C12orf42: variants seen among roughly 807,000 people sequenced by gnomAD.
C12orf42 encodes the protein uncharacterized protein C12orf42.
Under a neutral mutation model 21.6 loss-of-function variants are expected in C12orf42, and 25 were observed. That is an observed-to-expected ratio of 1.16 (90% CI 0.84 to 1.62). The LOEUF (loss-of-function observed/expected upper bound fraction) is 1.62. C12orf42 is among the 40% of genes most tolerant of loss of function. The pLI, the probability that C12orf42 is intolerant of heterozygous loss-of-function variation, is 0.00. For missense variants in C12orf42, 483 were observed against 459.3 expected (o/e 1.05, Z -0.47); for synonymous variants, 174 against 175.0 (o/e 0.99, Z 0.05).
the C12orf42 span, among the ~76,000 whole-genome samples, chr12:103,110,352 A>G: frequency 6.6e-6 from 1 of 152,240 alleles, no homozygotes; most frequent in African/African-American, 2.4e-5. Context: ...AAGCAAGATT[A>G]CATATTGCTA....
chr12:103,305,148 G>A (rs1432067315), intron 5 of C12orf42, among the ~76,000 whole-genome samples: 1 of 152,160 alleles, frequency 6.6e-6, no homozygotes, highest in Non-Finnish European at 1.5e-5. Flanking sequence ...ACGAATTTGT[G>A]TTGGGCCACA....
chr12:103,333,455 G>A (rs559627080), intron 4 of C12orf42, among the ~76,000 whole-genome samples: 1 of 152,128 alleles, frequency 6.6e-6, no homozygotes, highest in African/African-American at 2.4e-5. Context: ...GAACTACAAA[G>A]CTCACTCTTT....
At chr12:103,097,719 A>G in the C12orf42 span, among the ~76,000 whole-genome samples, 1 of 152,214 alleles carries the variant, frequency 6.6e-6, no homozygotes, top group Non-Finnish European at 1.5e-5. Flanking sequence ...AAGGAGATAG[A>G]TAGAGGAAAG....
intron 4 of C12orf42, among the ~76,000 whole-genome samples, chr12:103,329,616 TA>T (rs568084194): frequency 0.014 from 2,000 of 139,860 alleles, 13 homozygotes; most frequent in South Asian, 0.015. Context: ...CGGGCCTGCT[TA>T]AAAAAAAAAA....
chr12:103,359,994 C>G (rs527369381), intron 4 of C12orf42, among the ~76,000 whole-genome samples: 4 of 151,688 alleles, frequency 2.6e-5, no homozygotes, highest in Middle Eastern at 3.4e-3. Context: ...TCCCCTTTCC[C>G]TTACTGCCAT....
chr12:103,140,174 C>G, the C12orf42 span, among the ~76,000 whole-genome samples: 43 of 152,202 alleles, frequency 2.8e-4, no homozygotes, highest in Non-Finnish European at 5.9e-4. Flanking sequence ...GCTCCTTGGT[C>G]TCTTCCTCCA....
the C12orf42 span, among the ~76,000 whole-genome samples, chr12:103,556,212 T>C: frequency 1.3e-5 from 2 of 152,328 alleles, no homozygotes; most frequent in Non-Finnish European, 2.9e-5. Context: ...ATGACCTCTC[T>C]GAGTTTTGCT....
the C12orf42 span, among the ~76,000 whole-genome samples, chr12:103,176,964 T>TAA: frequency 8.1e-5 from 12 of 147,584 alleles, no homozygotes; most frequent in African/African-American, 3.0e-4. Context: ...AAGCCAGCCA[T>TAA]AAAAAAAAAA....
chr12:103,050,556 TAA>T, the C12orf42 span, among the ~76,000 whole-genome samples: 2 of 152,182 alleles, frequency 1.3e-5, no homozygotes, highest in East Asian at 3.9e-4. Context: ...TGGCTTTATA[TAA>T]GAGATAAATC....
chr12:103,448,488 C>T (rs753573096), intron 2 of C12orf42, among the ~76,000 whole-genome samples: 4 of 151,994 alleles, frequency 2.6e-5, no homozygotes, highest in African/African-American at 4.8e-5. Flanking sequence ...AAATAATCAG[C>T]AGAGTTAAGA....
At chr12:103,178,745 T>C in the C12orf42 span, 2 of 152,228 alleles carry the variant, frequency 1.3e-5, no homozygotes, top group African/African-American at 4.8e-5. Context: ...CATATATGGA[T>C]GTTTTTCAAT....
the C12orf42 span, among the ~76,000 whole-genome samples, chr12:103,146,633 AC>A: frequency 0.016 from 2,484 of 152,174 alleles, 30 homozygotes; most frequent in South Asian, 0.032. Context: ...ACACAGGTTA[AC>A]ATAAATGAGC....
At chr12:103,310,811 T>A (rs554041068) in intron 4 of C12orf42, among the ~76,000 whole-genome samples, 2 of 152,334 alleles carry the variant, frequency 1.3e-5, no homozygotes, top group African/African-American at 4.8e-5. Context: ...TTTGAAACAG[T>A]AGACAAATTT....
chr12:103,440,583 A>G (rs112974436), intron 2 of C12orf42, among the ~76,000 whole-genome samples: 2,358 of 152,096 alleles, frequency 0.016, 22 homozygotes, highest in South Asian at 0.023. Flanking sequence ...TATTATGCAA[A>G]TAGTCTTGTT....
chr12:103,448,734 G>A (rs752245255), intron 2 of C12orf42, among the ~76,000 whole-genome samples: 5 of 151,660 alleles, frequency 3.3e-5, no homozygotes, highest in Admixed American at 6.6e-5. Flanking sequence ...ATCACAATGC[G>A]ATACCACCTC....
the C12orf42 span, among the ~76,000 whole-genome samples, chr12:103,125,323 A>T: frequency 6.6e-6 from 1 of 152,188 alleles, no homozygotes; most frequent in African/African-American, 2.4e-5. Flanking sequence ...GATACTAAAA[A>T]AACCAAAATA....
chr12:103,434,498 T>C (rs1220414815), intron 2 of C12orf42, among the ~76,000 whole-genome samples: 1 of 152,238 alleles, frequency 6.6e-6, no homozygotes, highest in South Asian at 2.1e-4. Context: ...ACCGGGTTCA[T>C]CTCACTAGGG....
intron 2 of C12orf42, among the ~76,000 whole-genome samples, chr12:103,456,911 TTGTC>T (rs1952336627): frequency 6.6e-6 from 1 of 152,174 alleles, no homozygotes; most frequent in Admixed American, 6.6e-5. Context: ...TATGTTTTCT[TTGTC>T]TGATTTTTAA....
At chr12:103,337,855 C>G (rs924540861) in intron 4 of C12orf42, among the ~76,000 whole-genome samples, 1 of 152,206 alleles carries the variant, frequency 6.6e-6, no homozygotes, top group Non-Finnish European at 1.5e-5. Flanking sequence ...TCTGTCTCCA[C>G]TTACCCACTT....
Sources: gnomAD v4.1 joint callset for allele counts (sites outside exome capture counted in the v4.1 genomes callset) on GRCh38, gnomAD v4.1.1 for gene constraint, MANE v1.5 for transcripts, NCBI Gene and HGNC (gene_info 2026-07-23, HGNC 2026-07-21) for gene names.